Variants in TBC1D31 observed in about 807,000 individuals in gnomAD.
The protein encoded by TBC1D31 is TBC1 domain family member 31.
TBC1D31 carries 99 observed loss-of-function variants against 132.9 expected under a neutral mutation model. The observed-to-expected ratio is 0.74, with a 90% CI of 0.63 to 0.88. The LOEUF (loss-of-function observed/expected upper bound fraction) is 0.88, where lower values mean the gene tolerates loss of function less well. TBC1D31 is among the 40% of genes least tolerant of loss of function. TBC1D31 has a pLI of 0.00. For synonymous variants in TBC1D31, 385 were observed against 419.4 expected, an observed-to-expected ratio of 0.92 and a Z score of 1.00; for missense variants, 1,134 against 1,256.6, an observed-to-expected ratio of 0.90 and a Z score of 1.48.
At chr8:123,134,288 G>A in intron 17 of TBC1D31, 82 bp downstream of exon 17, 2 of 1,067,576 alleles carry the variant, frequency 1.9e-6, no homozygotes, top group South Asian at 2.7e-5. Flanking sequence ...CAGCACTTTG[G>A]GAGGATGAGG....
chr8:123,097,170 A>G (rs1311880407), intron 5 of TBC1D31, 112 bp from the exon 6 acceptor site: 10 of 1,116,744 alleles, frequency 9.0e-6, no homozygotes, highest in Non-Finnish European at 1.3e-6. Context: ...TAGTGTGACC[A>G]TATTGCATAG....
chr8:123,155,425 CA>C (rs1433606865), downstream of TBC1D31, among the ~76,000 whole-genome samples: 1 of 152,142 alleles, frequency 6.6e-6, no homozygotes, highest in African/African-American at 2.4e-5. The surrounding 1 kb of genome is among the most constrained non-coding windows in gnomAD (Gnocchi z 4.1). Flanking sequence ...ACCAGACAAC[CA>C]TTTACAGTAA....
downstream of TBC1D31, among the ~76,000 whole-genome samples, chr8:123,154,889 A>G (rs1263490803): frequency 6.6e-6 from 1 of 152,212 alleles, no homozygotes; most frequent in Non-Finnish European, 1.5e-5. Context: ...TGGAGCAAGG[A>G]AGAGAAGCCT....
intron 7 of TBC1D31, among the ~76,000 whole-genome samples, chr8:123,104,722 G>A (rs1339071759): frequency 6.6e-6 from 1 of 152,098 alleles, no homozygotes; most frequent in African/African-American, 2.4e-5. Context: ...TGAAGGTATA[G>A]GTTCTAAGTC....
At chr8:123,159,021 C>T in the TBC1D31 span, among the ~76,000 whole-genome samples, 2 of 152,126 alleles carry the variant, frequency 1.3e-5, no homozygotes, top group African/African-American at 4.8e-5. Context: ...GGGCTTACTC[C>T]CTGGTAAGGT....
chr8:123,129,307 CATT>C, intron 15 of TBC1D31, 89 bp downstream of exon 15: 2 of 881,848 alleles, frequency 2.3e-6, no homozygotes, highest in Non-Finnish European at 3.3e-6. Flanking sequence ...TTAGAAACAA[CATT>C]ATATATAGGA....
chr8:123,122,916 C>T (rs1420547393), intron 11 of TBC1D31, among the ~76,000 whole-genome samples: 1 of 152,016 alleles, frequency 6.6e-6, no homozygotes, highest in Non-Finnish European at 1.5e-5. Flanking sequence ...GGATTTTTAT[C>T]AAGGGTCTCA....
chr8:123,106,121 G>A (rs768067943), intron 8 of TBC1D31, among the ~76,000 whole-genome samples: 1 of 152,210 alleles, frequency 6.6e-6, no homozygotes. Context: ...TTAATACAGT[G>A]TCCTTCCTTA....
chr8:123,120,211 A>T, intron 11 of TBC1D31, 23 bp downstream of exon 11: 22 of 1,571,420 alleles, frequency 1.4e-5, no homozygotes, highest in Non-Finnish European at 1.9e-5. Context: ...TTGTTAAAGT[A>T]TAAGATCAAG....
intron 20 of TBC1D31, among the ~76,000 whole-genome samples, chr8:123,145,402 G>C (rs962278732): frequency 6.6e-6 from 1 of 152,124 alleles, no homozygotes; most frequent in Admixed American, 6.5e-5. Flanking sequence ...AGTTCTGTTT[G>C]ATTCTGTTGC....
chr8:123,140,146 G>A (rs1359216423), intron 17 of TBC1D31, among the ~76,000 whole-genome samples: 1 of 152,168 alleles, frequency 6.6e-6, no homozygotes, highest in Non-Finnish European at 1.5e-5. Flanking sequence ...GATCACATGA[G>A]GTCAGGAGTT....
intron 21 of TBC1D31, among the ~76,000 whole-genome samples, chr8:123,150,849 T>A (rs918042758): frequency 8.5e-5 from 13 of 152,106 alleles, no homozygotes; most frequent in Middle Eastern, 3.2e-3. Flanking sequence ...CTTTCAACTA[T>A]TTTTTTTCAA....
intron 4 of TBC1D31, among the ~76,000 whole-genome samples, chr8:123,092,070 A>C (rs1178666145): frequency 1.3e-5 from 2 of 152,142 alleles, no homozygotes; most frequent in Non-Finnish European, 2.9e-5. Context: ...GCTGGAGTGC[A>C]GTGGCGCAAT....
chr8:123,144,390 C>G (rs1365234511), intron 19 of TBC1D31, among the ~76,000 whole-genome samples: 2 of 152,134 alleles, frequency 1.3e-5, no homozygotes, highest in Non-Finnish European at 1.5e-5. Context: ...GCAATTGCCA[C>G]TAATTCAAAA....
intron 7 of TBC1D31, chr8:123,102,223 G>A (rs1273750236): frequency 2.2e-6 from 1 of 456,620 alleles, no homozygotes; most frequent in Non-Finnish European, 4.4e-6. Context: ...TGATCACCTG[G>A]TCTAACCCTT....
Position 123,128,266 on chromosome 8 carries a change from C to T in TBC1D31, c.1885-15C>T. ...GTCAGGTAAATCTCGATTTAAACAC[C>T]AAGTTTTCTTACAGTTTTTTTTTCA... is the stretch of plus-strand genomic sequence containing the variant. On this transcript the variant is annotated splice_polypyrimidine_tract_variant and intron_variant, in intron 13 of 21. Coordinates refer to ENST00000287380, the MANE Select transcript of TBC1D31 (RefSeq NM_145647.4). 1 of 1,422,804 alleles carries T rather than the reference C, an allele frequency of 7.0e-7. No individual in the cohort carries two copies. The highest frequency in any genetic ancestry group is 9.8e-7 in the Non-Finnish European group (1 of 1,016,266). The allele number at this position is 1,422,804 out of a possible 1,614,324, so 88.1% of individuals were successfully genotyped here.
In TBC1D31 at chr8:123,142,403, A is replaced by G. The variant is rs201283513; in HGVS notation, c.2782A>G (p.Arg928Gly). The G allele has an allele frequency of 6.2e-7, 1 of 1,607,464 alleles. No individual in the cohort carries two copies. Among genetic ancestry groups the G allele is most frequent in the Non-Finnish European group, 8.5e-7 (1 of 1,177,546 alleles). ...QEVAKLLREN[R>G]RKEIEIINAM... ...AGTAGCCAAACTCCTTAGGGAAAAC[A>G]GAAGGAAAGAAATAGAGATAATAAA... Residue 928 changes from arginine to glycine, a missense_variant, in exon 19 of 22, where the codon AGA (arginine) becomes GGA (glycine). Arg to Gly is a moderately radical substitution (Grantham distance 125). Coordinates refer to ENST00000287380, the MANE Select transcript of TBC1D31 (RefSeq NM_145647.4).
the TBC1D31 span, among the ~76,000 whole-genome samples, chr8:123,161,966 C>T: frequency 3.5e-5 from 5 of 143,306 alleles, no homozygotes; most frequent in Non-Finnish European, 4.5e-5. Context: ...TGCAGTGAGC[C>T]GAGATCGTGC....
At chr8:123,105,493 C>T in intron 8 of TBC1D31, 29 bp downstream of exon 8, 4 of 1,575,014 alleles carry the variant, frequency 2.5e-6, no homozygotes, top group Non-Finnish European at 3.5e-6. Context: ...TAAACTTTGT[C>T]ATGATTCTGC....
Sources: allele counts gnomAD v4.1 joint callset (sites outside exome capture counted in the v4.1 genomes callset), GRCh38; gene constraint gnomAD v4.1.1; non-coding constraint Gnocchi (gnomAD v3.1); transcripts MANE v1.5; gene names NCBI Gene and HGNC (gene_info 2026-07-23, HGNC 2026-07-21).